The following AIDA variants were observed in gnomAD, a reference collection of about 807,000 sequenced individuals.
AIDA encodes axin interactor, dorsalization associated.
Under a neutral mutation model 42.7 loss-of-function variants are expected in AIDA, and 18 were observed. The observed-to-expected ratio is 0.42, with a 90% CI of 0.29 to 0.63. The LOEUF (loss-of-function observed/expected upper bound fraction) is 0.63, where lower values mean the gene tolerates loss of function less well. Ranked by LOEUF, AIDA falls within the 20% of genes least tolerant of loss-of-function variation. The pLI, the probability that AIDA is intolerant of heterozygous loss-of-function variation, is 0.19. For synonymous variants in AIDA, 104 were observed against 122.9 expected (o/e 0.85, Z 1.02); for missense variants, 250 against 354.1 (o/e 0.71, Z 2.36).
Position 222,669,694 on chromosome 1 carries a change from T to C in AIDA, c.*199A>G, listed in dbSNP as rs1664409845. Reference sequence around the variant, plus strand: ...TTTCAAAATCTACAATAAACCTGTATCCCAAGGAGTCCTATACGTCAGTGT... The same window carrying C: ...TTTCAAAATCTACAATAAACCTGTACCCCAAGGAGTCCTATACGTCAGTGT... On this transcript the variant is annotated 3_prime_UTR_variant, in exon 10 of 10. Transcript: ENST00000340020. 14 of 573,050 alleles carry C rather than the reference T, an allele frequency of 2.4e-5. No individual in the cohort carries two copies. The South Asian group carries it at 3.8e-4, about 15-fold the overall frequency. 35.5% of individuals were successfully genotyped at this position (573,050 alleles called of 1,614,324 possible).
At chr1:222,693,874 T>A in intron 3 of AIDA, 31 bp from the exon 4 acceptor site, 1 of 1,542,408 alleles carries the variant, frequency 6.5e-7, no homozygotes, top group Non-Finnish European at 8.9e-7. Context: ...TTACATCTTT[T>A]CACTACAAGG....
rs1042265331 is a variant in AIDA at position 222,712,484 on chromosome 1, A to G, written c.-167T>C. On this transcript the variant is annotated 5_prime_UTR_variant, in exon 1 of 10. Transcript: ENST00000340020. ...CCCAAGCCCATTTGCCGCCACAGCC[A>G]AACTTTGCGGCTCCAAAGCGACCGC... is the stretch of plus-strand genomic sequence containing the variant. The G allele has an allele frequency of 1.4e-6, 2 of 1,415,542 alleles. No individual in the cohort carries two copies. Among genetic ancestry groups the G allele is most frequent in the South Asian group, 1.5e-5 (1 of 66,078 alleles). The allele number at this position is 1,415,542 out of a possible 1,614,324, so 87.7% of individuals were successfully genotyped here.
chr1:222,687,600 T>C lies in AIDA; in HGVS notation c.348A>G (p.Pro116=), dbSNP rs767171063. The C allele has an allele frequency of 5.4e-6, 8 of 1,492,844 alleles. No individual in the cohort carries two copies. In the African/African-American group the frequency reaches 1.1e-4, roughly 21 times the overall value. The allele number at this position is 1,492,844 out of a possible 1,614,324, so 92.5% of individuals were successfully genotyped here. ...KEFPFDVQPV[P]LRRILAPGEE... ...AATATAAATGTTTCTTTTACCTTAA[T>C]GGGACAGGCTGAACATCAAATGGGA... The change falls in exon 5 of 10, where the codon CCA becomes CCG. Residue 116 remains proline, a synonymous_variant. Coordinates refer to ENST00000340020, the MANE Select transcript of AIDA (RefSeq NM_022831.4).
chr1:222,687,682 A>G, intron 4 of AIDA, 24 bp from the exon 5 acceptor site: 1 of 1,435,584 alleles, frequency 7.0e-7, no homozygotes, highest in African/African-American at 1.4e-5. Flanking sequence ...ATAAAGAAAC[A>G]TGAATTCTTC....
At chr1:222,711,865 GAAAGGAAACTGACTGCC>G (rs1030634309) in intron 1 of AIDA, 12 of 262,260 alleles carry the variant, frequency 4.6e-5, no homozygotes, top group African/African-American at 2.8e-4. Flanking sequence ...AGAGGAGGAG[GAAAGGAAACTGACTGCC>G]AAGTGGGGGA....
intron 2 of AIDA, among the ~76,000 whole-genome samples, chr1:222,698,303 TTAAAA>T (rs1238775925): frequency 2.6e-5 from 4 of 152,230 alleles, no homozygotes; most frequent in South Asian, 2.1e-4. Flanking sequence ...CTTGTTAGAC[TTAAAA>T]TAAATATCGT....
intron 8 of AIDA, among the ~76,000 whole-genome samples, chr1:222,671,509 A>C (rs150515597): frequency 2.7e-4 from 41 of 152,284 alleles, no homozygotes; most frequent in African/African-American, 9.9e-4. Flanking sequence ...GACAAAACTC[A>C]CAAGTCACTA....
intron 2 of AIDA, among the ~76,000 whole-genome samples, chr1:222,696,590 T>C (rs1270320303): frequency 2.0e-5 from 3 of 152,220 alleles, no homozygotes; most frequent in Non-Finnish European, 4.4e-5. Flanking sequence ...TCTGAGATCA[T>C]ACAAGATTGG....
chr1:222,692,579 A>G (rs751569383), intron 4 of AIDA, among the ~76,000 whole-genome samples: 1 of 152,230 alleles, frequency 6.6e-6, no homozygotes. Context: ...TGCCATGCCC[A>G]TATTACATAC....
chr1:222,684,686 G>A (rs1372928274), intron 6 of AIDA, among the ~76,000 whole-genome samples: 4 of 152,068 alleles, frequency 2.6e-5, no homozygotes, highest in Non-Finnish European at 5.9e-5. Context: ...GTTCAGTAAG[G>A]CATCTGTATC....
chr1:222,680,890 C>G (rs1664641346), intron 6 of AIDA, among the ~76,000 whole-genome samples: 1 of 151,962 alleles, frequency 6.6e-6, no homozygotes, highest in African/African-American at 2.4e-5. Flanking sequence ...ATAATGCCTG[C>G]ATGTGAAATT....
chr1:222,701,209 C>T (rs1176956347), intron 2 of AIDA, among the ~76,000 whole-genome samples: 1 of 152,122 alleles, frequency 6.6e-6, no homozygotes, highest in Non-Finnish European at 1.5e-5. Context: ...ACAATCTTCC[C>T]AACTCGACCT....
intron 1 of AIDA, chr1:222,711,932 T>TG (rs1656070045): frequency 4.9e-6 from 2 of 410,970 alleles, no homozygotes; most frequent in Admixed American, 8.7e-5. Context: ...GATAGCCTGC[T>TG]GGGGCCTGCG....
intron 4 of AIDA, among the ~76,000 whole-genome samples, chr1:222,689,473 G>GTGTGTGTATATAT (rs1486712512): frequency 5.5e-5 from 2 of 36,530 alleles, no homozygotes; most frequent in African/African-American, 3.7e-4. Context: ...ATATGTATGT[G>GTGTGTGTATATAT]TGTGTGTGTA....
rs756831939 is a variant in AIDA, at chr1:222,686,937, T to G, written c.453A>C (p.Arg151Ser). Residue 151 changes from arginine to serine, a missense_variant, in exon 6 of 10, where the codon AGA becomes AGC. Coordinates refer to ENST00000340020, the MANE Select transcript of AIDA (RefSeq NM_022831.4). ...GAGSPDSFPA[R>S]VPGTLLPRLP... is the part of the protein sequence containing the mutation. ...TTAATAAGTGATACCTACCGGGAAC[T>G]CTAGCAGGAAAAGAATCAGGAGACC... is the stretch of plus-strand genomic sequence containing the variant. 1.8e-5 allele frequency: 29 copies of G among 1,613,558 alleles called. No individual in the cohort carries two copies. The highest frequency in any genetic ancestry group is 2.2e-5 in the Non-Finnish European group (26 of 1,179,868).
chr1:222,702,262 G>A (rs1655730462), intron 2 of AIDA, among the ~76,000 whole-genome samples: 1 of 152,122 alleles, frequency 6.6e-6, no homozygotes, highest in African/African-American at 2.4e-5. Flanking sequence ...CCATAAAAGT[G>A]TGGAAAAATC....
intron 6 of AIDA, among the ~76,000 whole-genome samples, chr1:222,676,819 T>C (rs537018932): frequency 9.2e-5 from 14 of 152,062 alleles, no homozygotes; most frequent in South Asian, 2.1e-4. Context: ...CTAGTTACTA[T>C]TGATATAGGA....
rs1490930596 is a variant in AIDA, at chr1:222,689,479, GTGTATATATATATATATATATATA to G, written c.290-1845_290-1822del. On this transcript the variant is annotated intron_variant, in intron 4 of 9. Transcript: ENST00000340020. Reference sequence around the variant, plus strand: ...AAAAAGAAAATATGTATGTGTGTGTGTGTATATATATATATATATATATATATATATATATATATATACACACAT... The same window carrying G: ...AAAAAGAAAATATGTATGTGTGTGTGTATATATATATATATATACACACAT... 1.8e-4 allele frequency among the ~76,000 whole-genome samples: 8 copies of G among 45,250 alleles called. 1 individual carries two copies. Among genetic ancestry groups the G allele is most frequent in the African/African-American group, 6.3e-4 (8 of 12,726 alleles). 29.7% of individuals were successfully genotyped at this position (45,250 alleles called of 152,430 possible). A position where few individuals can be genotyped will look rare whatever the true frequency, so the allele number is the denominator to read the frequency against.
At chr1:222,696,348 A>G (rs922414027) in intron 2 of AIDA, among the ~76,000 whole-genome samples, 1 of 152,272 alleles carries the variant, frequency 6.6e-6, no homozygotes, top group Non-Finnish European at 1.5e-5. Context: ...AATTCTAAAC[A>G]TAAATATAAT....
Sources: allele counts gnomAD v4.1 joint callset (sites outside exome capture counted in the v4.1 genomes callset), GRCh38; gene constraint gnomAD v4.1.1; transcripts MANE v1.5; gene names NCBI Gene and HGNC (gene_info 2026-07-23, HGNC 2026-07-21).